Variants in NLRP14 observed in about 807,000 individuals in gnomAD.
NLRP14 encodes the protein NLR family pyrin domain containing 14.
In NLRP14, 105 loss-of-function variants were observed where a neutral mutation model predicts 94.7. The observed-to-expected ratio is 1.11, with a 90% CI of 0.95 to 1.30. The LOEUF (loss-of-function observed/expected upper bound fraction) is 1.30, where lower values mean the gene tolerates loss of function less well. Ranked by LOEUF, NLRP14 falls within the 50% of genes most tolerant of loss-of-function variation. The pLI is 0.00. For synonymous variants in NLRP14, 508 were observed against 459.9 expected (o/e 1.10, Z -1.34); for missense variants, 1,362 against 1,254.1 (o/e 1.09, Z -1.30).
At chr11:7,089,501 C>G in the NLRP14 span, 1 of 1,230,942 alleles carries the variant, frequency 8.1e-7, no homozygotes. Context: ...GGGGCGGGCC[C>G]GATGATGACG....
rs1851995192 is a variant in NLRP14 at position 7,024,975 on chromosome 11, A to G, written c.-22+4205A>G. On this transcript the variant is annotated intron_variant, in intron 1 of 11. Coordinates refer to ENST00000299481, the MANE Select transcript of NLRP14 (RefSeq NM_176822.4). ...TATAAGACTTAATATGTAGACACAA[A>G]AGTTCTAGAAAAAAAGAAAGAGGAG... 2.0e-5 allele frequency among the ~76,000 whole-genome samples: 3 copies of G among 152,258 alleles called. No homozygotes were observed. In the South Asian group the frequency reaches 6.2e-4, roughly 32 times the overall value.
chr11:7,078,437 CAAAAA>C, the NLRP14 span, among the ~76,000 whole-genome samples: 26 of 15,368 alleles, frequency 1.7e-3, no homozygotes, highest in East Asian at 4.4e-3. Context: ...GACTCTGTCT[CAAAAA>C]AAAAAAAAAA....
At chr11:7,034,423 T>A (rs1049346432) in intron 1 of NLRP14, among the ~76,000 whole-genome samples, 5 of 152,224 alleles carry the variant, frequency 3.3e-5, no homozygotes, top group African/African-American at 1.2e-4. Context: ...ATCAGCAGTT[T>A]CTCAGAGGAG....
At chr11:7,038,028 A>G (rs1852185828) in intron 1 of NLRP14, among the ~76,000 whole-genome samples, 1 of 152,194 alleles carries the variant, frequency 6.6e-6, no homozygotes, top group Non-Finnish European at 1.5e-5. Flanking sequence ...AAGAAGAGGT[A>G]GATGGTGGCA....
intron 1 of NLRP14, among the ~76,000 whole-genome samples, chr11:7,034,383 A>G (rs984622974): frequency 6.6e-6 from 1 of 152,122 alleles, no homozygotes; most frequent in Admixed American, 6.5e-5. Flanking sequence ...CTATCGGCTC[A>G]TCGTATCTAT....
the NLRP14 span, chr11:7,089,931 G>A: frequency 6.9e-5 from 111 of 1,612,848 alleles, no homozygotes; most frequent in Non-Finnish European, 9.2e-5. Flanking sequence ...CCGTGACTAC[G>A]GGGATCATCT....
At chr11:7,045,372 C>G (rs1261354480) in intron 4 of NLRP14, among the ~76,000 whole-genome samples, 6 of 152,086 alleles carry the variant, frequency 3.9e-5, no homozygotes, top group African/African-American at 1.4e-4. Flanking sequence ...GCTAGCTTTC[C>G]TTACCTATGT....
chr11:7,080,225 T>A, the NLRP14 span, among the ~76,000 whole-genome samples: 1 of 152,200 alleles, frequency 6.6e-6, no homozygotes, highest in African/African-American at 2.4e-5. Flanking sequence ...ACTAAGCCCT[T>A]AAAGTGTGGG....
At chr11:7,045,800 A>T (rs926926952) in intron 4 of NLRP14, among the ~76,000 whole-genome samples, 1 of 151,860 alleles carries the variant, frequency 6.6e-6, no homozygotes, top group African/African-American at 2.4e-5. Flanking sequence ...AGGAACACTT[A>T]TAGCATGAGA....
chr11:7,060,544 CTG>C (rs1262260903), intron 9 of NLRP14, among the ~76,000 whole-genome samples: 1 of 152,008 alleles, frequency 6.6e-6, no homozygotes, highest in Non-Finnish European at 1.5e-5. Context: ...AGTGAATCTA[CTG>C]TGTGTCCTCT....
downstream of NLRP14, among the ~76,000 whole-genome samples, chr11:7,074,696 G>C (rs1387654283): frequency 1.3e-5 from 2 of 152,182 alleles, no homozygotes; most frequent in African/African-American, 4.8e-5. Context: ...TGAGGCATAA[G>C]TCTCAAATCA....
At chr11:7,061,543 A>G (rs1852620636) in intron 9 of NLRP14, among the ~76,000 whole-genome samples, 1 of 152,066 alleles carries the variant, frequency 6.6e-6, no homozygotes, top group Non-Finnish European at 1.5e-5. Flanking sequence ...AGGGAACTAA[A>G]AGTCATTAAG....
intron 1 of NLRP14, among the ~76,000 whole-genome samples, chr11:7,027,948 C>T (rs1041219031): frequency 2.6e-5 from 4 of 152,106 alleles, no homozygotes; most frequent in African/African-American, 9.7e-5. Flanking sequence ...CTTTTTCATG[C>T]TTTTTTGAAA....
At chr11:7,030,170 G>T (rs769672198) in intron 1 of NLRP14, among the ~76,000 whole-genome samples, 2 of 152,230 alleles carry the variant, frequency 1.3e-5, no homozygotes, top group African/African-American at 4.8e-5. Flanking sequence ...TCTCATCTGA[G>T]AGGCAATTCT....
At chr11:7,046,939 AT>A in intron 5 of NLRP14, 107 bp downstream of exon 5, 1 of 854,636 alleles carries the variant, frequency 1.2e-6, no homozygotes, top group Non-Finnish European at 2.0e-6. Flanking sequence ...AATACTTACA[AT>A]CCATTTTGTA....
chr11:7,086,489 T>C, the NLRP14 span, among the ~76,000 whole-genome samples: 1 of 152,234 alleles, frequency 6.6e-6, no homozygotes, highest in African/African-American at 2.4e-5. Context: ...TTCAACAATC[T>C]TGTTCATTTC....
chr11:7,069,970 T>G (rs1852766816), intron 10 of NLRP14, among the ~76,000 whole-genome samples: 2 of 152,162 alleles, frequency 1.3e-5, no homozygotes, highest in Non-Finnish European at 2.9e-5. Flanking sequence ...TTCCAATATC[T>G]AGTTATAGTG....
the NLRP14 span, among the ~76,000 whole-genome samples, chr11:7,078,131 T>A: frequency 1.3e-5 from 2 of 152,126 alleles, no homozygotes; most frequent in Non-Finnish European, 1.5e-5. Context: ...ATAAATTGGA[T>A]GAAATTAAGT....
chr11:7,040,154 C>G (rs1017038226), intron 3 of NLRP14, among the ~76,000 whole-genome samples: 1 of 152,112 alleles, frequency 6.6e-6, no homozygotes, highest in African/African-American at 2.4e-5. Flanking sequence ...GAGTGGTGAC[C>G]AACTGGTTCA....
Sources: gnomAD v4.1 joint callset for allele counts (sites outside exome capture counted in the v4.1 genomes callset) on GRCh38, gnomAD v4.1.1 for gene constraint, MANE v1.5 for transcripts, NCBI Gene and HGNC (gene_info 2026-07-23, HGNC 2026-07-21) for gene names.